The following ATRNL1 variants were observed in gnomAD, a reference collection of about 807,000 sequenced individuals.
ATRNL1 encodes attractin-like protein 1.
In ATRNL1, 95 loss-of-function variants were observed where a neutral mutation model predicts 182.7. The observed-to-expected ratio is 0.52, with a 90% CI of 0.44 to 0.62. ATRNL1 has a LOEUF of 0.62. Ranked by LOEUF, ATRNL1 falls within the 20% of genes least tolerant of loss-of-function variation. The pLI is 0.00. For synonymous variants in ATRNL1, 576 were observed against 568.3 expected (o/e 1.01, Z -0.19); for missense variants, 1,471 against 1,679.5 (o/e 0.88, Z 2.17).
intron 26 of ATRNL1, among the ~76,000 whole-genome samples, chr10:115,675,408 G>A (rs1391864048): frequency 6.6e-6 from 1 of 152,000 alleles, no homozygotes; most frequent in Non-Finnish European, 1.5e-5. Flanking sequence ...AGAACAAGAA[G>A]TGGAAGAGAA....
intron 26 of ATRNL1, among the ~76,000 whole-genome samples, chr10:115,705,350 T>C (rs1237962042): frequency 2.0e-5 from 3 of 151,814 alleles, no homozygotes. Flanking sequence ...TCCCAGAAAA[T>C]AAGATTGGTT....
At chr10:115,538,853 A>AT (rs1292244129) in intron 25 of ATRNL1, among the ~76,000 whole-genome samples, 1 of 152,228 alleles carries the variant, frequency 6.6e-6, no homozygotes, top group East Asian at 1.9e-4. Flanking sequence ...GACAGACCAC[A>AT]TATATGATGG....
At chr10:115,795,872 G>A (rs148760670) in intron 27 of ATRNL1, among the ~76,000 whole-genome samples, 1 of 152,014 alleles carries the variant, frequency 6.6e-6, no homozygotes, top group African/African-American at 2.4e-5. Context: ...ATTTGGGTGG[G>A]GACACAGAGC....
intron 8 of ATRNL1, among the ~76,000 whole-genome samples, chr10:115,214,478 A>T (rs782431323): frequency 1.3e-5 from 2 of 151,920 alleles, no homozygotes; most frequent in Admixed American, 6.6e-5. Context: ...AGTGGCTTGG[A>T]TGACTTTTTT....
intron 25 of ATRNL1, among the ~76,000 whole-genome samples, chr10:115,543,891 TTTTC>T (rs1276726117): frequency 1.3e-5 from 2 of 152,134 alleles, no homozygotes; most frequent in Non-Finnish European, 2.9e-5. Context: ...TTAATGTTTG[TTTTC>T]TTTCTTTCTT....
intron 13 of ATRNL1, among the ~76,000 whole-genome samples, chr10:115,270,077 C>T (rs1400662506): frequency 2.6e-5 from 4 of 151,084 alleles, no homozygotes; most frequent in East Asian, 1.9e-4. Flanking sequence ...ATTTAAATTA[C>T]GTTTGAAGAT....
intron 5 of ATRNL1, among the ~76,000 whole-genome samples, chr10:115,142,741 G>A (rs1845802405): frequency 6.6e-6 from 1 of 152,164 alleles, no homozygotes; most frequent in Non-Finnish European, 1.5e-5. Context: ...GATGATGGTA[G>A]CTTGGACAGG....
At position 115,163,466 on chromosome 10, in the gene ATRNL1, C is replaced by T. The variant is rs377638242; in HGVS notation, c.1005-2092C>T. ...GCAGCCTTGAGCTTCTGGGCCCAGG[C>T]GATCCTTCCACCTCAGCCTCCTGAG... On this transcript the variant is annotated intron_variant, in intron 6 of 28. Coordinates refer to ENST00000355044, the MANE Select transcript of ATRNL1 (RefSeq NM_207303.4). 2.8e-4 allele frequency among the ~76,000 whole-genome samples: 42 copies of T among 151,922 alleles called. 1 individual carries two copies. The highest frequency in any genetic ancestry group is 1.5e-3 in the South Asian group (7 of 4,802).
intron 19 of ATRNL1, among the ~76,000 whole-genome samples, chr10:115,342,708 TA>T (rs1453799720): frequency 6.6e-6 from 1 of 152,166 alleles, no homozygotes; most frequent in Non-Finnish European, 1.5e-5. Context: ...GGTGATTACT[TA>T]TTGCTGATTA....
At chr10:115,717,712 C>G (rs1191715426) in intron 26 of ATRNL1, among the ~76,000 whole-genome samples, 1 of 151,850 alleles carries the variant, frequency 6.6e-6, no homozygotes, top group African/African-American at 2.4e-5. Flanking sequence ...CCACTACGCC[C>G]AGCTAATTTT....
At chr10:115,349,891 C>T (rs1592500262) in intron 19 of ATRNL1, among the ~76,000 whole-genome samples, 1 of 152,032 alleles carries the variant, frequency 6.6e-6, no homozygotes, top group East Asian at 1.9e-4. Flanking sequence ...ATACTTTCTC[C>T]CCATTCTGTA....
intron 21 of ATRNL1, among the ~76,000 whole-genome samples, chr10:115,445,334 G>A (rs73369802): frequency 0.043 from 6,306 of 147,818 alleles, 388 homozygotes; most frequent in African/African-American, 0.15. Context: ...CAGGAGCTGA[G>A]GCACAAGAAT....
At chr10:115,783,546 G>A (rs532815432) in intron 27 of ATRNL1, among the ~76,000 whole-genome samples, 112 of 152,146 alleles carry the variant, frequency 7.4e-4, no homozygotes, top group African/African-American at 2.3e-3. Flanking sequence ...GTTAAAATAC[G>A]TATAAATTGC....
intron 25 of ATRNL1, among the ~76,000 whole-genome samples, chr10:115,535,625 G>T (rs190561453): frequency 1.3e-5 from 2 of 152,088 alleles, no homozygotes; most frequent in Non-Finnish European, 1.5e-5. Flanking sequence ...GTCATTCTCC[G>T]TCCAGCTTTG....
chr10:115,717,062 C>T (rs1555056498), intron 26 of ATRNL1, among the ~76,000 whole-genome samples: 1 of 152,102 alleles, frequency 6.6e-6, no homozygotes, highest in Non-Finnish European at 1.5e-5. Context: ...TCCTTTTGCT[C>T]ATTTTGATTT....
At position 115,841,041 on chromosome 10, in the gene ATRNL1, A is replaced by G. The variant is rs190129085; in HGVS notation, c.3904-6836A>G. Reference sequence around the variant, plus strand: ...AAAAGTACAGGTTGTTACAAACCTAATTAAGATAATTATTTAATAGAAATC... The same window carrying G: ...AAAAGTACAGGTTGTTACAAACCTAGTTAAGATAATTATTTAATAGAAATC... On this transcript the variant is annotated intron_variant, in intron 27 of 28. Transcript: ENST00000355044. Among the ~76,000 whole-genome samples, 3 of 152,280 alleles carry G rather than the reference A, an allele frequency of 2.0e-5. No homozygotes were observed. The East Asian group carries it at 5.8e-4, about 29-fold the overall frequency.
chr10:115,176,699 TGAG>T (rs1316656008), intron 8 of ATRNL1, among the ~76,000 whole-genome samples: 5 of 152,080 alleles, frequency 3.3e-5, no homozygotes, highest in East Asian at 3.9e-4. Flanking sequence ...GTTTTAACGA[TGAG>T]GAGTTCAGTT....
In ATRNL1 at chr10:115,740,110, T is replaced by C. The variant is rs565498194; in HGVS notation, c.3903+12755T>C. Among the ~76,000 whole-genome samples the C allele has an allele frequency of 1.2e-3, 9 of 7,728 alleles. No homozygotes were observed. The East Asian group carries it at 0.3, about 258-fold the overall frequency. The allele number at this position is 7,728 out of a possible 152,430, so 5.1% of individuals were successfully genotyped here. A position where few individuals can be genotyped will look rare whatever the true frequency, so the allele number is the denominator to read the frequency against. On this transcript the variant is annotated intron_variant, in intron 27 of 28. Transcript: ENST00000355044. ...TCTAAGAAACCAATAATGTTATACT[T>C]TAGATAAACATTTTCATGTGTTCCC...
chr10:115,103,129 C>T (rs1451882919), intron 1 of ATRNL1, among the ~76,000 whole-genome samples: 3 of 151,070 alleles, frequency 2.0e-5, no homozygotes, highest in African/African-American at 7.3e-5. Context: ...CCCCTGCTTC[C>T]TGGGTTCACG....
Sources: allele counts gnomAD v4.1 joint callset (sites outside exome capture counted in the v4.1 genomes callset), GRCh38; gene constraint gnomAD v4.1.1; transcripts MANE v1.5; gene names NCBI Gene and HGNC (gene_info 2026-07-23, HGNC 2026-07-21).